The following DCC variants were observed in gnomAD, a reference collection of about 807,000 sequenced individuals.
DCC encodes DCC netrin 1 receptor, also known as netrin receptor DCC.
Under a neutral mutation model 172.5 loss-of-function variants are expected in DCC, and 58 were observed. The ratio of observed to expected loss-of-function variants is 0.34; its 90% CI spans 0.27 to 0.42. The LOEUF is 0.42. Among genes scored for constraint, DCC ranks in the 10% least tolerant of loss-of-function variants. The probability of loss-of-function intolerance (pLI) is 1.00; values close to 1 mark genes in which losing one functional copy is unlikely to be tolerated. For missense variants in DCC, 1,740 were observed against 1,791.0 expected (o/e 0.97, Z 0.51); for synonymous variants, 709 against 644.5 (o/e 1.10, Z -1.52).
chr18:53,128,870 C>CACACATATATATATATATATAT, intron 7 of DCC, among the ~76,000 whole-genome samples: 1 of 77,460 alleles, frequency 1.3e-5, no homozygotes, highest in South Asian at 4.7e-4. Context: ...CACACACACA[C>CACACATATATATATATATATAT]ATATATATAT....
At chr18:52,686,852 C>T (rs1225019922) in intron 1 of DCC, among the ~76,000 whole-genome samples, 2 of 151,966 alleles carry the variant, frequency 1.3e-5, no homozygotes, top group Non-Finnish European at 2.9e-5. Context: ...TCTGCCAATC[C>T]CTCAGTCCTT....
At chr18:53,317,633 A>G (rs754465555) in intron 13 of DCC, among the ~76,000 whole-genome samples, 1 of 152,066 alleles carries the variant, frequency 6.6e-6, no homozygotes, top group African/African-American at 2.4e-5. Flanking sequence ...TTGGTAGGCT[A>G]TTTCTGCATC....
At chr18:53,088,132 C>A (rs1006930492) in intron 7 of DCC, among the ~76,000 whole-genome samples, 2 of 152,120 alleles carry the variant, frequency 1.3e-5, no homozygotes, top group African/African-American at 4.8e-5. Context: ...TTTTCCAATT[C>A]TGTGAAGAAA....
At chr18:52,470,533 A>C (rs1988917178) in intron 1 of DCC, among the ~76,000 whole-genome samples, 1 of 152,162 alleles carries the variant, frequency 6.6e-6, no homozygotes, top group African/African-American at 2.4e-5. Context: ...ATTAGTAGTC[A>C]TGTCAGAGTA....
intron 15 of DCC, among the ~76,000 whole-genome samples, chr18:53,373,018 CAT>C (rs1242497281): frequency 2.0e-5 from 3 of 152,280 alleles, no homozygotes; most frequent in African/African-American, 4.8e-5. Context: ...AGCCTAACCA[CAT>C]GTTTGCCTCT....
intron 15 of DCC, among the ~76,000 whole-genome samples, chr18:53,355,150 C>T (rs972853819): frequency 6.6e-6 from 1 of 152,042 alleles, no homozygotes; most frequent in African/African-American, 2.4e-5. Context: ...GTTTTGGTAC[C>T]AGTACCAGGC....
chr18:53,528,021 T>G (rs1181175584), intron 28 of DCC, among the ~76,000 whole-genome samples: 1 of 151,928 alleles, frequency 6.6e-6, no homozygotes, highest in Non-Finnish European at 1.5e-5. Context: ...TTCTGCAAAA[T>G]TTGCAAATAA....
chr18:52,989,162 A>G (rs528694561), intron 5 of DCC, among the ~76,000 whole-genome samples: 2 of 152,234 alleles, frequency 1.3e-5, no homozygotes, highest in African/African-American at 4.8e-5. Flanking sequence ...ATAATACTTC[A>G]GATTATAGTT....
intron 8 of DCC, among the ~76,000 whole-genome samples, chr18:53,165,415 G>A (rs938924767): frequency 1.3e-4 from 19 of 151,962 alleles, no homozygotes; most frequent in African/African-American, 3.4e-4. Context: ...TTCTTTCCCC[G>A]CTCTTCAGAG....
At chr18:53,236,573 T>A (rs2056205969) in intron 12 of DCC, among the ~76,000 whole-genome samples, 1 of 152,130 alleles carries the variant, frequency 6.6e-6, no homozygotes, top group South Asian at 2.1e-4. Flanking sequence ...TTTACTTTTT[T>A]AATGCTGTCT....
chr18:52,878,808 T>C (rs1179574130), intron 2 of DCC, among the ~76,000 whole-genome samples: 1 of 152,218 alleles, frequency 6.6e-6, no homozygotes, highest in Admixed American at 6.5e-5. Flanking sequence ...ATTAATGTGC[T>C]GGGATATCTG....
chr18:53,384,327 A>AT lies in DCC; in HGVS notation c.2360-1707dup, dbSNP rs999054444. On this transcript the variant is annotated intron_variant, in intron 15 of 28. Coordinates refer to ENST00000442544, the MANE Select transcript of DCC (RefSeq NM_005215.4). ...ATGTTATATAAAGCCTGATAATCTA[A>AT]TTTTTTTTTCTAAGTCATATATTAT... Among the ~76,000 whole-genome samples, 17 of 151,560 alleles carry AT rather than the reference A, an allele frequency of 1.1e-4. No homozygotes were observed. The South Asian group carries it at 1.5e-3, about 13-fold the overall frequency.
At chr18:52,979,128 A>G (rs919418003) in intron 5 of DCC, among the ~76,000 whole-genome samples, 5 of 152,194 alleles carry the variant, frequency 3.3e-5, no homozygotes, top group Non-Finnish European at 7.4e-5. Flanking sequence ...GTGACTTAGC[A>G]TAAAAGTATA....
intron 5 of DCC, among the ~76,000 whole-genome samples, chr18:52,993,376 G>A (rs1349900030): frequency 2.0e-5 from 3 of 152,070 alleles, no homozygotes; most frequent in African/African-American, 4.8e-5. Flanking sequence ...AGTATAGGAG[G>A]AGCACATTAT....
intron 1 of DCC, among the ~76,000 whole-genome samples, chr18:52,403,407 C>G (rs1029938501): frequency 1.3e-5 from 2 of 151,982 alleles, no homozygotes; most frequent in Non-Finnish European, 2.9e-5. Context: ...TCAGAAAGAG[C>G]TTACTCTGGG....
intron 12 of DCC, among the ~76,000 whole-genome samples, chr18:53,234,283 G>T (rs942289768): frequency 6.6e-6 from 1 of 151,632 alleles, no homozygotes; most frequent in Non-Finnish European, 1.5e-5. Flanking sequence ...ACAAAAATTA[G>T]CCGGGCGTGG....
chr18:52,651,141 T>C (rs1271390674), intron 1 of DCC, among the ~76,000 whole-genome samples: 1 of 152,206 alleles, frequency 6.6e-6, no homozygotes, highest in African/African-American at 2.4e-5. Context: ...ATTAGAAAGC[T>C]GTGCATTTTT....
At chr18:53,143,128 T>G (rs1294366181) in intron 7 of DCC, among the ~76,000 whole-genome samples, 1 of 152,110 alleles carries the variant, frequency 6.6e-6, no homozygotes, top group Non-Finnish European at 1.5e-5. Flanking sequence ...TGGCCAGGGT[T>G]TTACTCTGAA....
intron 27 of DCC, among the ~76,000 whole-genome samples, chr18:53,515,347 G>T (rs2046320461): frequency 6.7e-6 from 1 of 150,218 alleles, no homozygotes; most frequent in South Asian, 2.1e-4. Context: ...ATATCATACT[G>T]AATGGGCAAA....
Sources: allele counts gnomAD v4.1 joint callset (sites outside exome capture counted in the v4.1 genomes callset), GRCh38; gene constraint gnomAD v4.1.1; transcripts MANE v1.5; gene names NCBI Gene and HGNC (gene_info 2026-07-23, HGNC 2026-07-21).